ERC2: variants seen among roughly 807,000 people sequenced by gnomAD.
ERC2 encodes the protein ELKS/RAB6-interacting/CAST family member 2.
In ERC2, 42 loss-of-function variants were observed where a neutral mutation model predicts 114.8. That is an observed-to-expected ratio of 0.37 (90% CI 0.29 to 0.47). ERC2 has a LOEUF of 0.47. Ranked by LOEUF, ERC2 falls within the 20% of genes least tolerant of loss-of-function variation. ERC2 has a pLI of 0.99. For synonymous variants in ERC2, 454 were observed against 425.5 expected (o/e 1.07, Z -0.82); for missense variants, 939 against 1,150.7 (o/e 0.82, Z 2.66).
chr3:55,790,220 T>C lies in ERC2; in HGVS notation c.2565-55302A>G, dbSNP rs1447321631. Among the ~76,000 whole-genome samples the C allele has an allele frequency of 2.0e-5, 3 of 152,196 alleles. No individual in the cohort carries two copies. In the East Asian group the frequency reaches 5.8e-4, roughly 29 times the overall value. ...CATCTCTCAACACGCTCCAGCCATATGGAACTTCTTATAGTTCCTTCTGCC... is the reference window on the plus strand; with the variant it reads ...CATCTCTCAACACGCTCCAGCCATACGGAACTTCTTATAGTTCCTTCTGCC... On this transcript the variant is annotated intron_variant, in intron 14 of 17. Transcript: ENST00000288221.
intron 17 of ERC2, among the ~76,000 whole-genome samples, chr3:55,601,884 C>A (rs2058422873): frequency 6.6e-6 from 1 of 152,180 alleles, no homozygotes; most frequent in Non-Finnish European, 1.5e-5. Context: ...CGGACAGGAA[C>A]ACAAAGGGAT....
intron 12 of ERC2, among the ~76,000 whole-genome samples, chr3:55,955,576 A>G (rs1354281823): frequency 6.6e-6 from 1 of 152,210 alleles, no homozygotes; most frequent in Non-Finnish European, 1.5e-5. Flanking sequence ...ATTACAGTTC[A>G]TTGCTTATTG....
At chr3:56,045,273 G>A (rs2075398246) in intron 7 of ERC2, among the ~76,000 whole-genome samples, 1 of 152,142 alleles carries the variant, frequency 6.6e-6, no homozygotes, top group Non-Finnish European at 1.5e-5. Flanking sequence ...TTTCATTTTA[G>A]AAACATCAAG....
intron 7 of ERC2, among the ~76,000 whole-genome samples, chr3:56,040,513 T>C (rs2075065921): frequency 1.5e-5 from 1 of 68,396 alleles, no homozygotes; most frequent in Non-Finnish European, 3.1e-5. Flanking sequence ...CTTATAGCTA[T>C]TCTCTAAGGG....
intron 12 of ERC2, among the ~76,000 whole-genome samples, chr3:55,969,009 A>G (rs952223460): frequency 4.6e-5 from 7 of 152,140 alleles, no homozygotes; most frequent in Admixed American, 2.0e-4. Flanking sequence ...CTTGCTTATC[A>G]AGATAACTGT....
intron 17 of ERC2, among the ~76,000 whole-genome samples, chr3:55,678,338 CA>C (rs938466424): frequency 1.3e-5 from 2 of 152,136 alleles, no homozygotes; most frequent in African/African-American, 4.8e-5. Flanking sequence ...TTATCAAGAG[CA>C]ATCAAAATCT....
intron 13 of ERC2, among the ~76,000 whole-genome samples, chr3:55,893,184 A>G (rs2063692621): frequency 6.6e-6 from 1 of 152,164 alleles, no homozygotes; most frequent in African/African-American, 2.4e-5. Context: ...TCTGTTATGT[A>G]TAAGCCACCT....
chr3:55,999,272 T>C (rs2149542513), intron 10 of ERC2, among the ~76,000 whole-genome samples: 1 of 152,104 alleles, frequency 6.6e-6, no homozygotes, highest in South Asian at 2.1e-4. Context: ...TGCAGAAAGG[T>C]TATAAGAAAA....
intron 15 of ERC2, among the ~76,000 whole-genome samples, chr3:55,720,864 A>C (rs1301773682): frequency 6.6e-6 from 1 of 152,214 alleles, no homozygotes; most frequent in East Asian, 1.9e-4. Context: ...CACAACTAAG[A>C]TCAGCATCTT....
chr3:56,433,444 C>T (rs1576941442), intron 2 of ERC2, among the ~76,000 whole-genome samples: 2 of 152,262 alleles, frequency 1.3e-5, no homozygotes, highest in South Asian at 4.1e-4. Context: ...TGGAAGGGAG[C>T]AGCAAGAGCA....
At chr3:55,955,263 TGTGTGTGTGTG>T in intron 12 of ERC2, 2 of 357,968 alleles carry the variant, frequency 5.6e-6, no homozygotes, top group South Asian at 1.9e-5. Context: ...TGTGTGTGTG[TGTGTGTGTGTG>T]TGTGTGTGTG....
chr3:55,594,829 T>C lies in ERC2; in HGVS notation c.*40-83553A>G, dbSNP rs531701048. On this transcript the variant is annotated intron_variant, in intron 17 of 17. Transcript: ENST00000288221. ...CTCTGCTTCTTCTTGAGTTCTTTGA[T>C]TACATGATAACCTTTCTCAGTCTTT... is the stretch of plus-strand genomic sequence containing the variant. Among the ~76,000 whole-genome samples the C allele has an allele frequency of 7.2e-5, 11 of 152,228 alleles. No individual in the cohort carries two copies. The East Asian group carries it at 1.5e-3, about 21-fold the overall frequency.
intron 14 of ERC2, among the ~76,000 whole-genome samples, chr3:55,864,110 TATATATATACACACACAC>T (rs2062152274): frequency 2.9e-5 from 4 of 139,570 alleles, no homozygotes; most frequent in Non-Finnish European, 6.1e-5. Context: ...TATATATATA[TATATATATACACACACAC>T]ATATATATAT....
rs541749426 is a variant in ERC2, at chr3:55,798,265, C to A, written c.2565-63347G>T. On this transcript the variant is annotated intron_variant, in intron 14 of 17. Coordinates refer to ENST00000288221, the MANE Select transcript of ERC2 (RefSeq NM_015576.3). ...TTAATACCAATACATTGCAGTAAGA[C>A]CACAGAGCATTAAAGAAAAAAGATC... Among the ~76,000 whole-genome samples, 7 of 152,078 alleles carry A rather than the reference C, an allele frequency of 4.6e-5. No individual in the cohort carries two copies. The East Asian group carries it at 1.4e-3, about 29-fold the overall frequency.
Position 56,250,561 on chromosome 3 carries a change from G to A in ERC2, c.1074+45458C>T, listed in dbSNP as rs537905163. ...CGTACACCAAAACTGGAACAGAAGAGCAAGCTGAGGCGCTTGTTCCAGAGT... is the reference window on the plus strand; with the variant it reads ...CGTACACCAAAACTGGAACAGAAGAACAAGCTGAGGCGCTTGTTCCAGAGT... On this transcript the variant is annotated intron_variant, in intron 3 of 17. Coordinates refer to ENST00000288221, the MANE Select transcript of ERC2 (RefSeq NM_015576.3). Among the ~76,000 whole-genome samples the A allele has an allele frequency of 2.0e-5, 3 of 152,298 alleles. No individual in the cohort carries two copies. The South Asian group carries it at 6.2e-4, about 32-fold the overall frequency.
intron 15 of ERC2, among the ~76,000 whole-genome samples, chr3:55,725,990 C>T (rs1360156639): frequency 6.6e-6 from 1 of 152,188 alleles, no homozygotes; most frequent in Non-Finnish European, 1.5e-5. Flanking sequence ...TTTACAGTAA[C>T]ACTGAGCAGT....
intron 13 of ERC2, among the ~76,000 whole-genome samples, chr3:55,930,530 T>C (rs145989717): frequency 0.056 from 8,572 of 152,118 alleles, 483 homozygotes; most frequent in Admixed American, 0.18. Flanking sequence ...ATAAATGGTG[T>C]TGGGAAAACG....
At chr3:55,871,939 T>C (rs946455327) in intron 14 of ERC2, among the ~76,000 whole-genome samples, 1 of 152,196 alleles carries the variant, frequency 6.6e-6, no homozygotes, top group Admixed American at 6.5e-5. Flanking sequence ...GTCAAGATGT[T>C]TATCTGAAAA....
chr3:55,759,374 C>G (rs1305519842), intron 14 of ERC2, among the ~76,000 whole-genome samples: 2 of 147,690 alleles, frequency 1.4e-5, no homozygotes, highest in Admixed American at 1.4e-4. Flanking sequence ...TTCATCTTCT[C>G]CACATTTGCA....
Sources: gnomAD v4.1 joint callset for allele counts (sites outside exome capture counted in the v4.1 genomes callset) on GRCh38, gnomAD v4.1.1 for gene constraint, MANE v1.5 for transcripts, NCBI Gene and HGNC (gene_info 2026-07-23, HGNC 2026-07-21) for gene names.